Variants in SH3RF1 observed in about 807,000 individuals in gnomAD.
SH3RF1 encodes the protein SH3 domain containing ring finger 1, also known as E3 ubiquitin-protein ligase SH3RF1.
A neutral mutation model predicts 74.0 loss-of-function variants in SH3RF1; 32 were observed. That is an observed-to-expected ratio of 0.43 (90% confidence interval 0.33 to 0.58). The LOEUF (loss-of-function observed/expected upper bound fraction) is 0.58. Ranked by LOEUF, SH3RF1 falls within the 20% of genes least tolerant of loss-of-function variation. SH3RF1 has a pLI of 0.05. For synonymous variants in SH3RF1, 396 were observed against 439.6 expected, an observed-to-expected ratio of 0.90 and a Z score of 1.24; for missense variants, 954 against 1,130.9, an observed-to-expected ratio of 0.84 and a Z score of 2.24.
intron 2 of SH3RF1, among the ~76,000 whole-genome samples, chr4:169,199,862 T>G (rs1270207325): frequency 1.3e-5 from 2 of 152,144 alleles, no homozygotes; most frequent in Non-Finnish European, 2.9e-5. Flanking sequence ...TGTAAATTAA[T>G]CTACCAGTTA....
At chr4:169,178,629 G>A (rs1425014780) in intron 2 of SH3RF1, among the ~76,000 whole-genome samples, 1 of 152,134 alleles carries the variant, frequency 6.6e-6, no homozygotes, top group African/African-American at 2.4e-5. Flanking sequence ...CCCAAAACAG[G>A]TTAGATGAGG....
chr4:169,270,405 T>A (rs2110769101), intron 1 of SH3RF1, among the ~76,000 whole-genome samples: 1 of 152,104 alleles, frequency 6.6e-6, no homozygotes, highest in East Asian at 1.9e-4. Flanking sequence ...CCCTACAGCC[T>A]CCCTCATCTC....
chr4:169,184,424 G>A (rs1317193841), intron 2 of SH3RF1, among the ~76,000 whole-genome samples: 2 of 152,226 alleles, frequency 1.3e-5, no homozygotes, highest in African/African-American at 2.4e-5. Flanking sequence ...AACATGGGCT[G>A]TGAAGTCAGT....
chr4:169,162,928 T>A (rs1185117105), intron 2 of SH3RF1, among the ~76,000 whole-genome samples: 1 of 152,154 alleles, frequency 6.6e-6, no homozygotes. Flanking sequence ...CGCTCATCTG[T>A]GGGCTCCACA....
In SH3RF1 at chr4:169,270,879, C is replaced by T. The variant is rs1372017902; in HGVS notation, c.-116G>A. On this transcript the variant is annotated 5_prime_UTR_variant, in exon 1 of 12. Coordinates refer to ENST00000284637, the MANE Select transcript of SH3RF1 (RefSeq NM_020870.4). The stretch of plus-strand genomic sequence containing the variant: ...CCTACCTCGCGCCTCGGCTCCTCCT[C>T]TTTGTTCGCGGCCCCGCAGCGGCTG... 1.3e-5 allele frequency: 2 copies of T among 152,262 alleles called. No homozygotes were observed. Among genetic ancestry groups the T allele is most frequent in the East Asian group, 1.9e-4 (1 of 5,156 alleles). 9.4% of individuals were successfully genotyped at this position (152,262 alleles called of 1,614,324 possible).
intron 6 of SH3RF1, among the ~76,000 whole-genome samples, chr4:169,126,876 C>T (rs1433035433): frequency 6.6e-6 from 1 of 152,184 alleles, no homozygotes; most frequent in African/African-American, 2.4e-5. Flanking sequence ...TAGGCATGGG[C>T]CATCACACCC....
rs764809074 is a variant in SH3RF1, at chr4:169,248,312, A to G, written c.393+20508T>C. Among the ~76,000 whole-genome samples the G allele has an allele frequency of 7.2e-5, 11 of 152,270 alleles. No homozygotes were observed. The South Asian group carries it at 1.7e-3, about 23-fold the overall frequency. ...ATCATGGAATACCATGCAGCCATAA[A>G]AAAGAATGAGTTCATGTCCTTTGCA... is the stretch of plus-strand genomic sequence containing the variant. On this transcript the variant is annotated intron_variant, in intron 2 of 11. Transcript: ENST00000284637.
At position 169,145,896 on chromosome 4, in the gene SH3RF1, TTAC is replaced by T. The variant is rs1366019779; in HGVS notation, c.766-9279_766-9277del. On this transcript the variant is annotated intron_variant, in intron 4 of 11. Transcript: ENST00000284637. Reference sequence around the variant, plus strand: ...TCTATATATTATTCTATATAAAATATTACATATTCTATATATTATTCTATATAA... The same window carrying T: ...TCTATATATTATTCTATATAAAATATATATTCTATATATTATTCTATATAA... Among the ~76,000 whole-genome samples the T allele has an allele frequency of 1.4e-4, 18 of 128,674 alleles. 1 individual carries two copies. Among genetic ancestry groups the T allele is most frequent in the East Asian group, 4.2e-4 (2 of 4,756 alleles). The allele number at this position is 128,674 out of a possible 152,430, so 84.4% of individuals were successfully genotyped here. A position where few individuals can be genotyped will look rare whatever the true frequency, so the allele number is the denominator to read the frequency against.
At chr4:169,152,846 G>A (rs1304845719) in intron 4 of SH3RF1, among the ~76,000 whole-genome samples, 1 of 152,150 alleles carries the variant, frequency 6.6e-6, no homozygotes, top group Non-Finnish European at 1.5e-5. Context: ...ATGATGTTGA[G>A]GAAGAAAAGG....
chr4:169,125,583 G>C (rs1373529859), intron 6 of SH3RF1, among the ~76,000 whole-genome samples: 1 of 152,052 alleles, frequency 6.6e-6, no homozygotes, highest in Non-Finnish European at 1.5e-5. Context: ...AAAATAAAGG[G>C]TTCATTTCCT....
intron 10 of SH3RF1, among the ~76,000 whole-genome samples, chr4:169,108,880 G>A (rs1240207983): frequency 6.6e-6 from 1 of 152,226 alleles, no homozygotes; most frequent in Non-Finnish European, 1.5e-5. Context: ...AATACTGGAA[G>A]AGGATGAAAC....
chr4:169,139,927 C>T (rs112663895), intron 4 of SH3RF1, among the ~76,000 whole-genome samples: 1 of 152,336 alleles, frequency 6.6e-6, no homozygotes, highest in African/African-American at 2.4e-5. Context: ...AATGCATAAT[C>T]TCACTTTAAA....
chr4:169,231,202 A>G (rs1443732347), intron 2 of SH3RF1, among the ~76,000 whole-genome samples: 2 of 152,200 alleles, frequency 1.3e-5, no homozygotes, highest in Non-Finnish European at 2.9e-5. Flanking sequence ...GTGGCCCATT[A>G]TTACATTATT....
At chr4:169,153,123 T>C (rs1734000275) in intron 4 of SH3RF1, among the ~76,000 whole-genome samples, 1 of 151,338 alleles carries the variant, frequency 6.6e-6, no homozygotes, top group Admixed American at 6.6e-5. Flanking sequence ...CGAGGGGGAG[T>C]TTCAGCTTCT....
At chr4:169,264,793 T>G (rs1731328057) in intron 2 of SH3RF1, among the ~76,000 whole-genome samples, 1 of 152,222 alleles carries the variant, frequency 6.6e-6, no homozygotes, top group Admixed American at 6.5e-5. Context: ...TTCTACATTA[T>G]CAAATTTGAG....
rs73863696 is a variant in SH3RF1, at chr4:169,219,384, G to A, written c.393+49436C>T. 3.3e-5 allele frequency among the ~76,000 whole-genome samples: 5 copies of A among 152,076 alleles called. No individual in the cohort carries two copies. In the East Asian group the frequency reaches 5.8e-4, roughly 18 times the overall value. ...TTTAAAAAGGGCTCTGGTATTTGGC[G>A]TAACAAACTCCAGTTAGGTATATAT... On this transcript the variant is annotated intron_variant, in intron 2 of 11. Transcript: ENST00000284637.
chr4:169,243,576 G>A (rs1730948698), intron 2 of SH3RF1, among the ~76,000 whole-genome samples: 1 of 152,138 alleles, frequency 6.6e-6, no homozygotes, highest in East Asian at 1.9e-4. Flanking sequence ...TCTTGATTAT[G>A]CTAGGCTAAT....
At chr4:169,189,270 G>A (rs1319318780) in intron 2 of SH3RF1, among the ~76,000 whole-genome samples, 5 of 152,228 alleles carry the variant, frequency 3.3e-5, no homozygotes, top group African/African-American at 1.2e-4. Flanking sequence ...AGTCAACTAT[G>A]TCATAAAGCA....
chr4:169,249,968 C>T (rs6831277), intron 2 of SH3RF1, among the ~76,000 whole-genome samples: 4,359 of 151,986 alleles, frequency 0.029, 213 homozygotes, highest in African/African-American at 0.1. Flanking sequence ...GAAAAAAAAA[C>T]GATTATCTGA....
Sources: allele counts gnomAD v4.1 joint callset (sites outside exome capture counted in the v4.1 genomes callset), GRCh38; gene constraint gnomAD v4.1.1; transcripts MANE v1.5; gene names NCBI Gene and HGNC (gene_info 2026-07-23, HGNC 2026-07-21).